Variants in SORL1 observed in about 807,000 individuals in gnomAD.
SORL1 encodes sortilin-related receptor.
Under a neutral mutation model 273.7 loss-of-function variants are expected in SORL1, and 127 were observed. The observed-to-expected ratio is 0.46, with a 90% confidence interval of 0.40 to 0.54. The LOEUF (loss-of-function observed/expected upper bound fraction) is 0.54. Ranked by LOEUF, SORL1 falls within the 20% of genes least tolerant of loss-of-function variation. The pLI is 0.00. For missense variants in SORL1, 2,494 were observed against 2,846.1 expected, an observed-to-expected ratio of 0.88 and a Z score of 2.81; for synonymous variants, 1,031 against 1,067.4, an observed-to-expected ratio of 0.97 and a Z score of 0.66.
chr11:121,509,612 G>T (rs1384142743), intron 6 of SORL1, among the ~76,000 whole-genome samples: 1 of 152,068 alleles, frequency 6.6e-6, no homozygotes, highest in Non-Finnish European at 1.5e-5. Context: ...GAGTAGCTGG[G>T]ATTACAGGCA....
Position 121,605,500 on chromosome 11 carries a change from A to G in SORL1, c.4877A>G (p.Lys1626Arg). ...AAACCAGATACCACGTATCAGGTTA[A>G]AGTACAGGTTCAGTGTCTCAGCAAG... ...VLKPDTTYQV[K>R]VQVQCLSKAH... Residue 1626 changes from lysine (K) to arginine (R), a missense_variant, in exon 35 of 48, where the codon AAA (lysine) becomes AGA (arginine). Physicochemically the swap from Lys to Arg is conservative, Grantham distance 26. Coordinates refer to ENST00000260197, the MANE Select transcript of SORL1 (RefSeq NM_003105.6). The G allele has an allele frequency of 6.2e-7, 1 of 1,614,138 alleles. No homozygotes were observed. Among genetic ancestry groups the G allele is most frequent in the Non-Finnish European group, 8.5e-7 (1 of 1,179,964 alleles).
intron 1 of SORL1, among the ~76,000 whole-genome samples, chr11:121,465,670 G>A (rs942396797): frequency 1.3e-5 from 2 of 152,200 alleles, no homozygotes; most frequent in African/African-American, 2.4e-5. Flanking sequence ...TGGGACTACA[G>A]GCACGTGCCA....
chr11:121,495,402 G>T (rs1198861532), intron 5 of SORL1, among the ~76,000 whole-genome samples: 6 of 151,948 alleles, frequency 3.9e-5, no homozygotes, highest in Non-Finnish European at 7.4e-5. Flanking sequence ...GGCAAAAGAG[G>T]TTCTTGTTTT....
At chr11:121,478,271 C>G in intron 3 of SORL1, 28 bp downstream of exon 3, 1 of 1,608,132 alleles carries the variant, frequency 6.2e-7, no homozygotes, top group Non-Finnish European at 8.5e-7. Context: ...CCTCCTGTCC[C>G]GACTTCATGG....
chr11:121,624,510 C>T (rs1450932368), intron 45 of SORL1, among the ~76,000 whole-genome samples: 2 of 152,168 alleles, frequency 1.3e-5, no homozygotes, highest in Admixed American at 1.3e-4. Flanking sequence ...GAGCTGGCTT[C>T]AGTGCTTCTG....
At chr11:121,504,985 A>G (rs910794454) in intron 6 of SORL1, among the ~76,000 whole-genome samples, 15 of 152,002 alleles carry the variant, frequency 9.9e-5, no homozygotes, top group African/African-American at 3.6e-4. Flanking sequence ...GTCTATTAAC[A>G]TTGAATATTA....
At chr11:121,561,274 G>A (rs1193796955) in intron 21 of SORL1, among the ~76,000 whole-genome samples, 1 of 152,160 alleles carries the variant, frequency 6.6e-6, no homozygotes, top group East Asian at 1.9e-4. Context: ...AGTCTTGACT[G>A]TCCACTTCAT....
At chr11:121,488,397 C>T (rs1163723947) in intron 4 of SORL1, among the ~76,000 whole-genome samples, 1 of 152,192 alleles carries the variant, frequency 6.6e-6, no homozygotes, top group Non-Finnish European at 1.5e-5. Flanking sequence ...CCCAGCCAGC[C>T]ATCAGCACCC....
At chr11:121,537,585 T>C (rs1862284647) in intron 12 of SORL1, among the ~76,000 whole-genome samples, 1 of 152,226 alleles carries the variant, frequency 6.6e-6, no homozygotes, top group African/African-American at 2.4e-5. Flanking sequence ...AATCTGGACA[T>C]ATTACAATAT....
At chr11:121,574,434 CT>C in intron 24 of SORL1, 71 bp downstream of exon 24, 3 of 1,386,876 alleles carry the variant, frequency 2.2e-6, no homozygotes, top group Non-Finnish European at 3.0e-6. Context: ...CAGGGCTGTA[CT>C]GGTATGTACT....
chr11:121,592,372 T>A (rs1863229586), intron 31 of SORL1, among the ~76,000 whole-genome samples: 1 of 152,232 alleles, frequency 6.6e-6, no homozygotes, highest in Non-Finnish European at 1.5e-5. Flanking sequence ...AAATGTAGAA[T>A]CAGAATTTCT....
At chr11:121,591,414 A>G (rs1045995451) in intron 31 of SORL1, among the ~76,000 whole-genome samples, 9 of 152,234 alleles carry the variant, frequency 5.9e-5, no homozygotes, top group Admixed American at 6.5e-5. Context: ...TTCCTGCAAG[A>G]TGCCAGCCAC....
chr11:121,512,889 A>T, intron 6 of SORL1, 114 bp from the exon 7 acceptor site: 1 of 725,290 alleles, frequency 1.4e-6, no homozygotes, highest in Non-Finnish European at 2.3e-6. Flanking sequence ...CACAGTCTCT[A>T]TTTTGTGTTT....
chr11:121,625,363 T>G, intron 46 of SORL1, 86 bp downstream of exon 46: 5 of 1,072,824 alleles, frequency 4.7e-6, no homozygotes, highest in Non-Finnish European at 6.8e-6. Flanking sequence ...TGTGTCTTTC[T>G]AAAACACATG....
Position 121,567,075 on chromosome 11 carries a change from A to G in SORL1, c.3185A>G (p.Gln1062Arg). 1 of 1,614,126 alleles carries G rather than the reference A, an allele frequency of 6.2e-7. No individual in the cohort carries two copies. Among genetic ancestry groups the G allele is most frequent in the South Asian group, 1.1e-5 (1 of 91,084 alleles). ...PSGDLMCDCP[Q>R]GYQLKNNTCV... ...GGGGACCTGATGTGTGACTGCCCTC[A>G]GGGCTATCAGCTCAAGAACAATACC... Residue 1062 changes from glutamine to arginine, a missense_variant, in exon 22 of 48, where the codon CAG (glutamine) becomes CGG (arginine). Physicochemically the swap from Gln to Arg is conservative, Grantham distance 43 (BLOSUM62 1). Around this residue, in one of 3 missense-constraint regions of SORL1, gnomAD observed 1,609 missense variants for 1,816.4 expected, o/e 0.89. Coordinates refer to ENST00000260197, the MANE Select transcript of SORL1 (RefSeq NM_003105.6).
rs769255535 is a variant in SORL1 at position 121,555,198 on chromosome 11, G to T, written c.2451G>T (p.Leu817Phe). ...TTTTCTCTCTTAAGCGCCTCTGTTT[G>T]AATGGAAGCACAGGGCAAGAGGTGA... ...LALDVIQRLC[L>F]NGSTGQEVII... Residue 817 changes from leucine to phenylalanine, a missense_variant, in exon 18 of 48, where the codon TTG (leucine) becomes TTT (phenylalanine). Transcript: ENST00000260197. The T allele has an allele frequency of 3.7e-6, 6 of 1,613,380 alleles. No individual in the cohort carries two copies. Among genetic ancestry groups the T allele is most frequent in the Non-Finnish European group, 5.1e-6 (6 of 1,179,616 alleles).
chr11:121,561,749 G>A (rs1389656925), intron 21 of SORL1, among the ~76,000 whole-genome samples: 1 of 151,276 alleles, frequency 6.6e-6, no homozygotes, highest in Non-Finnish European at 1.5e-5. Flanking sequence ...CACAGACCTG[G>A]ACCTGTGCAT....
Position 121,522,639 on chromosome 11 carries a change from C to T in SORL1, c.1458C>T (p.Asn486=). The change falls in exon 10 of 48, where the codon AAC becomes AAT. Residue 486 remains asparagine (N), a synonymous_variant. Coordinates refer to ENST00000260197, the MANE Select transcript of SORL1 (RefSeq NM_003105.6). ...CTCAGCGCCTCAGTCAGCTCCTCAA[C>T]CTCCAGCTCCGGAGAATGCCCATCC... ...HLAQRLSQLL[N]LQLRRMPILS... 1 of 1,614,248 alleles carries T rather than the reference C, an allele frequency of 6.2e-7. No homozygotes were observed. Among genetic ancestry groups the T allele is most frequent in the Non-Finnish European group, 8.5e-7 (1 of 1,180,030 alleles).
chr11:121,561,713 G>A (rs1042898138), intron 21 of SORL1, among the ~76,000 whole-genome samples: 1 of 151,256 alleles, frequency 6.6e-6, no homozygotes, highest in Non-Finnish European at 1.5e-5. Flanking sequence ...AAAAAGGCTG[G>A]GGGAGATCTG....
Sources: gnomAD v4.1 joint callset for allele counts (sites outside exome capture counted in the v4.1 genomes callset) on GRCh38, gnomAD v4.1.1 for gene constraint, gnomAD v4.1.1 regional missense constraint, MANE v1.5 for transcripts, NCBI Gene and HGNC (gene_info 2026-07-23, HGNC 2026-07-21) for gene names.